The following INTU variants were observed in gnomAD, a reference collection of about 807,000 sequenced individuals.
INTU encodes protein inturned.
INTU carries 68 observed loss-of-function variants against 100.5 expected under a neutral mutation model. That is an observed-to-expected ratio of 0.68 (90% CI 0.56 to 0.83). The LOEUF (loss-of-function observed/expected upper bound fraction) is 0.83, where lower values mean the gene tolerates loss of function less well. Ranked by LOEUF, INTU falls within the 40% of genes least tolerant of loss-of-function variation. INTU has a pLI of 0.00. For missense variants in INTU, 1,071 were observed against 1,114.7 expected, an observed-to-expected ratio of 0.96 and a Z score of 0.56; for synonymous variants, 357 against 395.7, an observed-to-expected ratio of 0.90 and a Z score of 1.16.
intron 9 of INTU, among the ~76,000 whole-genome samples, chr4:127,702,095 T>G (rs993441989): frequency 2.0e-5 from 3 of 152,160 alleles, no homozygotes; most frequent in Non-Finnish European, 4.4e-5. Flanking sequence ...TTTAAAAATC[T>G]AATTCCTGCC....
chr4:127,646,735 C>T (rs1727608980), intron 2 of INTU, among the ~76,000 whole-genome samples: 1 of 152,072 alleles, frequency 6.6e-6, no homozygotes, highest in African/African-American at 2.4e-5. Context: ...TACCATTATT[C>T]AAGGACTTCA....
rs139952212 is a variant in INTU at position 127,690,534 on chromosome 4, T to G, written c.1449+2667T>G. Among the ~76,000 whole-genome samples, 206 of 152,342 alleles carry G rather than the reference T, an allele frequency of 1.4e-3. 2 individuals carry two copies. In the East Asian group the frequency reaches 0.028, roughly 21 times the overall value. ...CACAGGAAACAGTGAGGATCTGGCT[T>G]AGATGTTTTCTACATTTTGTAGTCC... On this transcript the variant is annotated intron_variant, in intron 8 of 15. Transcript: ENST00000335251.
chr4:127,647,672 T>G (rs1460261399), intron 2 of INTU, among the ~76,000 whole-genome samples: 1 of 152,166 alleles, frequency 6.6e-6, no homozygotes, highest in African/African-American at 2.4e-5. Context: ...GGTTTTTTGG[T>G]AAAATATGAG....
chr4:127,659,523 T>C (rs1728380393), intron 3 of INTU, among the ~76,000 whole-genome samples: 1 of 152,206 alleles, frequency 6.6e-6, no homozygotes, highest in Admixed American at 6.5e-5. Context: ...GTTTTCGAAA[T>C]TTTAAATAAC....
chr4:127,696,609 G>T (rs1474243750), intron 8 of INTU, among the ~76,000 whole-genome samples: 1 of 149,754 alleles, frequency 6.7e-6, no homozygotes, highest in African/African-American at 2.5e-5. Context: ...ACGTTTTATT[G>T]ATTTTTTTCA....
chr4:127,649,542 C>A (rs1426818401), intron 2 of INTU, among the ~76,000 whole-genome samples: 1 of 151,710 alleles, frequency 6.6e-6, no homozygotes, highest in African/African-American at 2.4e-5. Context: ...TTATACTTAC[C>A]TGTTGAGCAT....
chr4:127,696,643 G>A (rs115497675), intron 8 of INTU, among the ~76,000 whole-genome samples: 7,046 of 151,418 alleles, frequency 0.047, 238 homozygotes, highest in Non-Finnish European at 0.077. Flanking sequence ...TGGTTTCATC[G>A]ATTTTTCTCT....
intron 2 of INTU, among the ~76,000 whole-genome samples, chr4:127,645,839 C>T (rs1180022279): frequency 6.6e-6 from 1 of 152,012 alleles, no homozygotes; most frequent in East Asian, 2.0e-4. Flanking sequence ...GCTGGGATTA[C>T]AGGCGTGAGC....
In INTU at chr4:127,643,662, C is replaced by T. The variant is rs1727433421; in HGVS notation, c.288C>T (p.Ile96=). 1.2e-6 allele frequency: 2 copies of T among 1,613,466 alleles called. No individual in the cohort carries two copies. Among genetic ancestry groups the T allele is most frequent in the African/African-American group, 2.7e-5 (2 of 74,778 alleles). ...TCAGGTTCAGTGAAAATGAGATTAT[C>T]ATTGAAGATGACTACAAAGAAAGAA... The part of the protein sequence containing the change: ...NHVRFSENEI[I]IEDDYKERKK... Residue 96 remains isoleucine (I), a synonymous_variant, in exon 2 of 16, where the codon ATC becomes ATT. Coordinates refer to ENST00000335251, the MANE Select transcript of INTU (RefSeq NM_015693.4).
intron 8 of INTU, among the ~76,000 whole-genome samples, chr4:127,692,638 C>G (rs553999105): frequency 3.1e-4 from 47 of 152,212 alleles, no homozygotes; most frequent in Non-Finnish European, 5.4e-4. Flanking sequence ...CTTTTGGGTT[C>G]TTGGTCATGA....
rs116037393 is a variant in INTU at position 127,722,149 on chromosome 4, C to T, written c.*5713C>T. 5.4e-3 allele frequency: 822 copies of T among 152,458 alleles called. 7 individuals are homozygous for T. Among genetic ancestry groups the T allele is most frequent in the Middle Eastern group, 0.02 (6 of 294 alleles). The allele number at this position is 152,458 out of a possible 1,614,324, so 9.4% of individuals were successfully genotyped here. A position where few individuals can be genotyped will look rare whatever the true frequency, so the allele number is the denominator to read the frequency against. Reference sequence around the variant, plus strand: ...CTTTTGGATGAGGTTTTTGTGGTGTCTTTTTTGTTGATGTTGTTGCATTCT... The same window carrying T: ...CTTTTGGATGAGGTTTTTGTGGTGTTTTTTTTGTTGATGTTGTTGCATTCT... On this transcript the variant is annotated 3_prime_UTR_variant, in exon 16 of 16. Transcript: ENST00000335251.
At chr4:127,691,365 T>C (rs1217709705) in intron 8 of INTU, among the ~76,000 whole-genome samples, 2 of 152,196 alleles carry the variant, frequency 1.3e-5, no homozygotes, top group Admixed American at 6.6e-5. Context: ...TGGCTGTATT[T>C]TGTATTCCTA....
At chr4:127,641,154 G>A (rs142454412) in intron 1 of INTU, among the ~76,000 whole-genome samples, 51 of 152,158 alleles carry the variant, frequency 3.4e-4, no homozygotes, top group African/African-American at 1.2e-3. Flanking sequence ...ACAGCCCCCT[G>A]ACTAGCCCTC....
chr4:127,660,843 CTTATG>C (rs779242252), intron 3 of INTU, among the ~76,000 whole-genome samples: 35 of 152,090 alleles, frequency 2.3e-4, no homozygotes, highest in African/African-American at 6.8e-4. Context: ...TGTAAACTAA[CTTATG>C]TTAAGTATCA....
chr4:127,689,429 C>T (rs1056755516), intron 8 of INTU, among the ~76,000 whole-genome samples: 2 of 151,804 alleles, frequency 1.3e-5, no homozygotes, highest in Non-Finnish European at 2.9e-5. Context: ...GTGGGAGGAT[C>T]ACTTGAGGCC....
At chr4:127,673,137 G>A in intron 5 of INTU, among the ~76,000 whole-genome samples, 1 of 152,126 alleles carries the variant, frequency 6.6e-6, no homozygotes. Context: ...TAAATAGGCA[G>A]TCACAAAATA....
At chr4:127,643,465 T>C in intron 1 of INTU, 56 bp from the exon 2 acceptor site, 1 of 1,435,030 alleles carries the variant, frequency 7.0e-7, no homozygotes. Flanking sequence ...CAGGATGACA[T>C]ACCTTTCTTT....
intron 2 of INTU, among the ~76,000 whole-genome samples, chr4:127,656,017 C>A (rs556694895): frequency 1.3e-5 from 2 of 152,282 alleles, no homozygotes; most frequent in East Asian, 1.9e-4. Flanking sequence ...TTCTTTGACT[C>A]GGAAAGGGAA....
At chr4:127,687,653 T>C in intron 7 of INTU, 25 bp from the exon 8 acceptor site, 1 of 1,583,018 alleles carries the variant, frequency 6.3e-7, no homozygotes, top group Non-Finnish European at 8.6e-7. Context: ...TATGTCGTTC[T>C]AACTTACAGC....
Sources: allele counts gnomAD v4.1 joint callset (sites outside exome capture counted in the v4.1 genomes callset), GRCh38; gene constraint gnomAD v4.1.1; transcripts MANE v1.5; gene names NCBI Gene and HGNC (gene_info 2026-07-23, HGNC 2026-07-21).